The following BUB1B variants were observed in gnomAD, a reference collection of about 807,000 sequenced individuals.
The protein encoded by BUB1B is mitotic checkpoint serine/threonine-protein kinase BUB1 beta.
In BUB1B, 86 loss-of-function variants were observed where a neutral mutation model predicts 137.7. The ratio of observed to expected loss-of-function variants is 0.62; its 90% confidence interval spans 0.52 to 0.75. The LOEUF (loss-of-function observed/expected upper bound fraction) is 0.75, where lower values mean the gene tolerates loss of function less well. Among genes scored for constraint, BUB1B ranks in the 30% least tolerant of loss-of-function variants. The pLI is 0.00. For missense variants in BUB1B, 1,130 were observed against 1,236.9 expected (o/e 0.91, Z 1.30); for synonymous variants, 420 against 417.9 (o/e 1.00, Z -0.06).
chr15:40,214,546 C>A (rs1023742720), intron 20 of BUB1B, among the ~76,000 whole-genome samples: 1 of 152,148 alleles, frequency 6.6e-6, no homozygotes, highest in Non-Finnish European at 1.5e-5. Flanking sequence ...ACACTAATAG[C>A]TGGACTTACT....
intron 12 of BUB1B, among the ~76,000 whole-genome samples, chr15:40,201,286 G>A (rs1411033242): frequency 6.6e-6 from 1 of 151,442 alleles, no homozygotes; most frequent in East Asian, 1.9e-4. Context: ...TTCTTTTCAG[G>A]GAAAAAAAAA....
chr15:40,208,122 A>G (rs1320772421), intron 15 of BUB1B, among the ~76,000 whole-genome samples: 1 of 148,880 alleles, frequency 6.7e-6, no homozygotes, highest in Non-Finnish European at 1.5e-5. Flanking sequence ...CCTGTCTCAA[A>G]AATAAAATGA....
At chr15:40,194,914 G>A (rs2037479869) in intron 8 of BUB1B, among the ~76,000 whole-genome samples, 1 of 152,180 alleles carries the variant, frequency 6.6e-6, no homozygotes, top group Non-Finnish European at 1.5e-5. Flanking sequence ...TAAGCTACTT[G>A]ATTATCCCAC....
chr15:40,162,955 G>C (rs1049111465), intron 1 of BUB1B, among the ~76,000 whole-genome samples: 35 of 152,214 alleles, frequency 2.3e-4, no homozygotes, highest in African/African-American at 8.2e-4. Flanking sequence ...ACATCGTTTC[G>C]TTATAATGTT....
At chr15:40,203,518 A>G (rs2037600519) in intron 14 of BUB1B, among the ~76,000 whole-genome samples, 1 of 152,216 alleles carries the variant, frequency 6.6e-6, no homozygotes, top group South Asian at 2.1e-4. Flanking sequence ...TATACTTTAA[A>G]AGGGTCAATT....
intron 2 of BUB1B, chr15:40,166,235 C>T: frequency 2.7e-5 from 9 of 330,694 alleles, no homozygotes; most frequent in Non-Finnish European, 4.1e-5. Context: ...ATTTATTCAC[C>T]AATTGATGAA....
chr15:40,166,620 G>A (rs760560636), intron 2 of BUB1B: 25 of 200,124 alleles, frequency 1.2e-4, no homozygotes, highest in Non-Finnish European at 2.1e-4. Context: ...GATTACAGGC[G>A]TGAGCCACCG....
At chr15:40,188,021 T>C (rs1044890122) in intron 8 of BUB1B, among the ~76,000 whole-genome samples, 1 of 152,264 alleles carries the variant, frequency 6.6e-6, no homozygotes, top group African/African-American at 2.4e-5. Context: ...ACATGACTTA[T>C]GTTAAAATTA....
At chr15:40,193,437 A>G (rs1311193832) in intron 8 of BUB1B, among the ~76,000 whole-genome samples, 2 of 74,742 alleles carry the variant, frequency 2.7e-5, no homozygotes, top group African/African-American at 4.2e-5. Context: ...GCTTACTATC[A>G]TCTTTTTTTT....
chr15:40,216,062 A>G (rs1411545328), intron 20 of BUB1B, among the ~76,000 whole-genome samples: 2 of 152,238 alleles, frequency 1.3e-5, no homozygotes, highest in Admixed American at 1.3e-4. Flanking sequence ...GTAGCTGATT[A>G]GAGGGCTAGG....
chr15:40,170,578 AGG>A lies in BUB1B; in HGVS notation c.282_283del (p.Ser96Ter). ...GAGCAGAACTATCCTCAAGGTGGGA[AGG>A]AGAGTAATATGTCAACGTTATTAGA... On this transcript the variant is annotated frameshift_variant, in exon 4 of 23. Coordinates refer to ENST00000287598, the MANE Select transcript of BUB1B (RefSeq NM_001211.6). LOFTEE classifies it high-confidence loss of function. 1 of 1,613,476 alleles carries A rather than the reference AGG, an allele frequency of 6.2e-7. No homozygotes were observed. Among genetic ancestry groups the A allele is most frequent in the Non-Finnish European group, 8.5e-7 (1 of 1,179,438 alleles).
intron 5 of BUB1B, 71 bp downstream of exon 5, chr15:40,176,744 A>G (rs1341774560): frequency 6.6e-7 from 1 of 1,508,628 alleles, no homozygotes; most frequent in Non-Finnish European, 9.1e-7. Flanking sequence ...TTGCATCTGA[A>G]TAAAGTGCTT....
intron 22 of BUB1B, among the ~76,000 whole-genome samples, chr15:40,220,185 C>T (rs2037877143): frequency 6.6e-6 from 1 of 152,154 alleles, no homozygotes; most frequent in Admixed American, 6.5e-5. Context: ...AAAGAAGATC[C>T]ACTACTGGGG....
chr15:40,179,967 C>CAT (rs34339420), intron 5 of BUB1B, among the ~76,000 whole-genome samples: 21,362 of 143,358 alleles, frequency 0.15, 1,632 homozygotes, highest in African/African-American at 0.21. Context: ...TTTCAAAAGC[C>CAT]ATATATATAT....
At position 40,197,225 on chromosome 15, in the gene BUB1B, A is replaced by G. The variant is rs1437605695; in HGVS notation, c.1288+451A>G. ...CTGAAATTTCTCCAAGGGCTTATTTAGATTAACATAGTAGGTCATACTGCA... is the reference window on the plus strand; with the variant it reads ...CTGAAATTTCTCCAAGGGCTTATTTGGATTAACATAGTAGGTCATACTGCA... On this transcript the variant is annotated intron_variant, in intron 9 of 22. Coordinates refer to ENST00000287598, the MANE Select transcript of BUB1B (RefSeq NM_001211.6). Among the ~76,000 whole-genome samples, 6 of 152,304 alleles carry G rather than the reference A, an allele frequency of 3.9e-5. No individual in the cohort carries two copies. The South Asian group carries it at 1.2e-3, about 32-fold the overall frequency.
At chr15:40,204,298 A>G (rs73390177) in intron 14 of BUB1B, among the ~76,000 whole-genome samples, 4,058 of 152,284 alleles carry the variant, frequency 0.027, 180 homozygotes, top group African/African-American at 0.092. Context: ...AAAGACAGTG[A>G]TGTAAGAGTA....
Position 40,170,125 on chromosome 15 carries a change from G to A in BUB1B, c.239+4G>A, listed in dbSNP as rs113437650. 1 of 1,611,496 alleles carries A rather than the reference G, an allele frequency of 6.2e-7. No homozygotes were observed. The highest frequency in any genetic ancestry group is 8.5e-7 in the Non-Finnish European group (1 of 1,177,656). ...ACCCTCTGGATGTTTGGGATAGGTG[G>A]GTCTTTTTATTTCACAAGGACAATA... On this transcript the variant is annotated splice_donor_region_variant and intron_variant, in intron 3 of 22. Transcript: ENST00000287598.
intron 19 of BUB1B, 92 bp downstream of exon 19, chr15:40,212,740 T>C: frequency 8.1e-7 from 1 of 1,232,316 alleles, no homozygotes; most frequent in East Asian, 2.4e-5. Flanking sequence ...TTCCTGTCAA[T>C]CTTCTAGAAA....
At chr15:40,206,027 A>T (rs2037632051) in intron 14 of BUB1B, among the ~76,000 whole-genome samples, 157 bp from the exon 15 acceptor site, 2 of 152,214 alleles carry the variant, frequency 1.3e-5, no homozygotes, top group Admixed American at 6.5e-5. Context: ...AGTATAGTTT[A>T]CTGTGTTCAT....
Sources: allele counts gnomAD v4.1 joint callset (sites outside exome capture counted in the v4.1 genomes callset), GRCh38; gene constraint gnomAD v4.1.1; transcripts MANE v1.5; gene names NCBI Gene and HGNC (gene_info 2026-07-23, HGNC 2026-07-21).